DNAJC7: variants seen among roughly 807,000 people sequenced by gnomAD.
The protein encoded by DNAJC7 is DnaJ heat shock protein family (Hsp40) member C7.
Under a neutral mutation model 67.4 loss-of-function variants are expected in DNAJC7, and 18 were observed. The ratio of observed to expected loss-of-function variants is 0.27; its 90% CI spans 0.18 to 0.40. The LOEUF (loss-of-function observed/expected upper bound fraction) is 0.40, where lower values mean the gene tolerates loss of function less well. Ranked by LOEUF, DNAJC7 falls within the 10% of genes least tolerant of loss-of-function variation. The pLI, the probability that DNAJC7 is intolerant of heterozygous loss-of-function variation, is 1.00. For missense variants in DNAJC7, 419 were observed against 613.8 expected, an observed-to-expected ratio of 0.68 and a Z score of 3.35; for synonymous variants, 220 against 207.8, an observed-to-expected ratio of 1.06 and a Z score of -0.50.
At chr17:41,998,173 CTCT>C (rs1555648965) in intron 2 of DNAJC7, among the ~76,000 whole-genome samples, 2 of 152,018 alleles carry the variant, frequency 1.3e-5, no homozygotes, top group Admixed American at 1.3e-4. Flanking sequence ...CTGACACACT[CTCT>C]TTAGAATGCC....
intron 3 of DNAJC7, 83 bp from the exon 4 acceptor site, chr17:41,996,507 A>T (rs2051662683): frequency 7.8e-7 from 1 of 1,284,950 alleles, no homozygotes; most frequent in African/African-American, 1.5e-5. Context: ...CACCCACACA[A>T]AACCAACACA....
intron 1 of DNAJC7, among the ~76,000 whole-genome samples, chr17:42,006,419 GA>G (rs1426684227): frequency 6.6e-6 from 1 of 151,448 alleles, no homozygotes; most frequent in African/African-American, 2.4e-5. Flanking sequence ...GGCTGAGGCA[GA>G]AGACCTCCTG....
Position 42,006,796 on chromosome 17 carries a change from C to CAAAAAAAAAAAAAAAAAA in DNAJC7, c.78-6244_78-6227dup, listed in dbSNP as rs57155070. ...TGGGCAACAGAGCAAGACTCCGTCT[C>CAAAAAAAAAAAAAAAAAA]AAAAAAAAAAAAAAAAAAAAAAGTC... On this transcript the variant is annotated intron_variant, in intron 1 of 13. Transcript: ENST00000457167. 4.7e-4 allele frequency among the ~76,000 whole-genome samples: 11 copies of CAAAAAAAAAAAAAAAAAA among 23,334 alleles called. 5 individuals carry two copies. Among genetic ancestry groups the CAAAAAAAAAAAAAAAAAA allele is most frequent in the African/African-American group, 6.3e-4 (3 of 4,794 alleles). 15.3% of individuals were successfully genotyped at this position (23,334 alleles called of 152,430 possible). A position where few individuals can be genotyped will look rare whatever the true frequency, so the allele number is the denominator to read the frequency against.
chr17:41,998,571 G>A (rs528067750), intron 2 of DNAJC7, among the ~76,000 whole-genome samples: 1 of 152,342 alleles, frequency 6.6e-6, no homozygotes, highest in African/African-American at 2.4e-5. Flanking sequence ...CGGCTTTGAA[G>A]TGTAGTGATT....
At chr17:41,989,030 C>G (rs917909144) in intron 7 of DNAJC7, 134 bp from the exon 8 acceptor site, 13 of 1,071,442 alleles carry the variant, frequency 1.2e-5, no homozygotes, top group Non-Finnish European at 1.7e-5. Context: ...AACCCCCAAT[C>G]TGGGCTATCT....
intron 12 of DNAJC7, 112 bp from the exon 13 acceptor site, chr17:41,977,435 C>T: frequency 1.0e-6 from 1 of 953,338 alleles, no homozygotes; most frequent in Non-Finnish European, 1.6e-6. Flanking sequence ...TGGAGAGTCT[C>T]ACTCCCCTCC....
intron 1 of DNAJC7, among the ~76,000 whole-genome samples, chr17:42,005,478 G>T (rs1215754504): frequency 3.3e-5 from 5 of 152,162 alleles, no homozygotes; most frequent in Non-Finnish European, 7.3e-5. Context: ...ACTTTAGTCA[G>T]CCTACACTAA....
chr17:41,991,197 T>A (rs551235776), intron 5 of DNAJC7, among the ~76,000 whole-genome samples: 1 of 152,314 alleles, frequency 6.6e-6, no homozygotes, highest in African/African-American at 2.4e-5. Context: ...AGAGCCTTGC[T>A]GAATCACATT....
chr17:41,999,252 G>C (rs374012403), intron 2 of DNAJC7, among the ~76,000 whole-genome samples: 21 of 151,332 alleles, frequency 1.4e-4, no homozygotes, highest in African/African-American at 4.9e-4. Flanking sequence ...GCTAATTTTT[G>C]TATCTTTAGA....
At chr17:42,009,948 C>A (rs11867776) in intron 1 of DNAJC7, among the ~76,000 whole-genome samples, 3,442 of 151,768 alleles carry the variant, frequency 0.023, 134 homozygotes, top group African/African-American at 0.079. Context: ...TCAAGACCAT[C>A]CTGGCCAACA....
At chr17:42,010,555 G>C (rs1173914804) in intron 1 of DNAJC7, among the ~76,000 whole-genome samples, 2 of 152,062 alleles carry the variant, frequency 1.3e-5, no homozygotes, top group Non-Finnish European at 2.9e-5. Context: ...GTGGGGTGGA[G>C]ATGGGAACTA....
chr17:41,987,928 C>G lies in DNAJC7; in HGVS notation c.919-18G>C. ...TTCCTAAGCTTCAGGAGAGAGAGAG[C>G]AATCATACTTCACACCTTTGGTGAC... On this transcript the variant is annotated intron_variant, in intron 8 of 13. Transcript: ENST00000457167. 6.3e-7 allele frequency: 1 copy of G among 1,595,490 alleles called. No homozygotes were observed. Among genetic ancestry groups the G allele is most frequent in the Non-Finnish European group, 8.6e-7 (1 of 1,168,460 alleles).
At position 41,994,833 on chromosome 17, in the gene DNAJC7, A is replaced by G. The variant is rs781969635; in HGVS notation, c.480+37T>C. On this transcript the variant is annotated intron_variant, in intron 5 of 13. Transcript: ENST00000457167. ...CACACACGAATGGGAATTTTGCGAC[A>G]AAGAGCAGATGAGATTATCTCATGG... is the stretch of plus-strand genomic sequence containing the variant. 8.1e-6 allele frequency: 13 copies of G among 1,596,732 alleles called. No individual in the cohort carries two copies. In the South Asian group the frequency reaches 9.9e-5, roughly 12 times the overall value.
At chr17:42,010,746 T>C (rs2052094796) in intron 1 of DNAJC7, among the ~76,000 whole-genome samples, 1 of 152,060 alleles carries the variant, frequency 6.6e-6, no homozygotes, top group South Asian at 2.1e-4. Context: ...AAAGTAATAT[T>C]AGAATCAAGA....
Position 41,996,393 on chromosome 17 carries a change from G to A in DNAJC7, c.323C>T (p.Ser108Phe). The change falls in exon 4 of 14, where the codon TCT (serine) becomes TTT (phenylalanine). Residue 108 changes from serine to phenylalanine, a missense_variant. By Grantham distance (155) the Ser-to-Phe change is radical (BLOSUM62 -2). This residue lies in a region of DNAJC7 where 179 missense variants were observed against 249.7 expected (regional missense o/e 0.72). Coordinates refer to ENST00000457167, the MANE Select transcript of DNAJC7 (RefSeq NM_003315.4). ...GHLREGKCHL[S>F]LGNAMAACRS... Reference sequence around the variant, plus strand: ...ACATGCTGCCATGGCATTCCCCAGAGAGAGGTGGCACTTGCCCTCTCGTAG... The same window carrying A: ...ACATGCTGCCATGGCATTCCCCAGAAAGAGGTGGCACTTGCCCTCTCGTAG... 1.2e-6 allele frequency: 2 copies of A among 1,614,050 alleles called. No individual in the cohort carries two copies. The highest frequency in any genetic ancestry group is 1.7e-6 in the Non-Finnish European group (2 of 1,179,900).
intron 1 of DNAJC7, among the ~76,000 whole-genome samples, chr17:42,002,235 T>G (rs1555649585): frequency 6.6e-6 from 1 of 152,134 alleles, no homozygotes; most frequent in Non-Finnish European, 1.5e-5. Context: ...AGTAGCAAAT[T>G]CCAAAGTAAG....
chr17:41,997,592 G>A (rs1451288709), intron 2 of DNAJC7, among the ~76,000 whole-genome samples: 1 of 152,056 alleles, frequency 6.6e-6, no homozygotes, highest in Non-Finnish European at 1.5e-5. Context: ...GGAAGACCCT[G>A]TCTCAAAAAA....
intron 1 of DNAJC7, among the ~76,000 whole-genome samples, chr17:42,006,816 A>AAAAAAAAAAAAAAAC (rs2051975032): frequency 8.2e-6 from 1 of 122,600 alleles, no homozygotes; most frequent in African/African-American, 3.2e-5. Flanking sequence ...AAAAAAAAAA[A>AAAAAAAAAAAAAAAC]AAGTCCAGGC....
intron 1 of DNAJC7, chr17:42,011,379 C>T (rs2052111708): frequency 6.6e-6 from 1 of 152,238 alleles, no homozygotes; most frequent in Non-Finnish European, 1.5e-5. Flanking sequence ...GCAACTGCCA[C>T]TCACTTGGCC....
Sources: gnomAD v4.1 joint callset for allele counts (sites outside exome capture counted in the v4.1 genomes callset) on GRCh38, gnomAD v4.1.1 for gene constraint, gnomAD v4.1.1 regional missense constraint, MANE v1.5 for transcripts, NCBI Gene and HGNC (gene_info 2026-07-23, HGNC 2026-07-21) for gene names.